The following CTBP2 variants were observed in gnomAD, a reference collection of about 807,000 sequenced individuals.
CTBP2 encodes C-terminal binding protein 2.
In CTBP2, 30 loss-of-function variants were observed where a neutral mutation model predicts 80.3. That is an observed-to-expected ratio of 0.37 (90% CI 0.28 to 0.51). The LOEUF is 0.51. Among genes scored for constraint, CTBP2 ranks in the 20% least tolerant of loss-of-function variants. The pLI, the probability that CTBP2 is intolerant of heterozygous loss-of-function variation, is 0.93. For missense variants in CTBP2, 1,212 were observed against 1,375.3 expected, an observed-to-expected ratio of 0.88 and a Z score of 1.88; for synonymous variants, 594 against 587.4, an observed-to-expected ratio of 1.01 and a Z score of -0.16.
At chr10:125,060,463 CGTGTGTGTGTGTGTGTGTGTGTGT>C (rs56032803) in intron 2 of CTBP2, among the ~76,000 whole-genome samples, 3 of 147,854 alleles carry the variant, frequency 2.0e-5, no homozygotes, top group Non-Finnish European at 3.0e-5. Flanking sequence ...ATTCCCCCCA[CGTGTGTGTGTGTGTGTGTGTGTGT>C]GTGTGTGTGT....
upstream of CTBP2, among the ~76,000 whole-genome samples, chr10:125,030,501 T>C (rs1397677645): frequency 6.6e-6 from 1 of 152,182 alleles, no homozygotes; most frequent in East Asian, 1.9e-4. Context: ...AGGATGGGGA[T>C]GATCAGTGGG....
intron 1 of CTBP2, among the ~76,000 whole-genome samples, chr10:125,112,660 C>T (rs1852506635): frequency 6.6e-6 from 1 of 152,002 alleles, no homozygotes; most frequent in Non-Finnish European, 1.5e-5. Context: ...AACTCCTGAC[C>T]TTCTGATCTG....
chr10:124,998,341 G>A, intron 3 of CTBP2, 171 bp from the exon 6 acceptor site: 1 of 673,052 alleles, frequency 1.5e-6, no homozygotes, highest in African/African-American at 1.8e-5. Flanking sequence ...CTCTGGCTCT[G>A]ATGCATGGGA....
At chr10:125,036,664 AG>A (rs150632552) in intron 3 of CTBP2, among the ~76,000 whole-genome samples, 5 of 133,914 alleles carry the variant, frequency 3.7e-5, no homozygotes, top group East Asian at 2.1e-4. Flanking sequence ...TCAAAGCTAG[AG>A]GGGGTGTGTG....
At chr10:124,995,697 A>G (rs1953387936) in intron 4 of CTBP2, among the ~76,000 whole-genome samples, 1 of 152,214 alleles carries the variant, frequency 6.6e-6, no homozygotes, top group African/African-American at 2.4e-5. Context: ...GGACAGCTGC[A>G]GGACAACTAG....
chr10:125,012,604 G>C (rs1956057233), intron 1 of CTBP2, among the ~76,000 whole-genome samples: 2 of 152,236 alleles, frequency 1.3e-5, no homozygotes, highest in South Asian at 2.1e-4. Flanking sequence ...CTCTGTGGAA[G>C]AGATGAGCCT....
intron 2 of CTBP2, among the ~76,000 whole-genome samples, chr10:125,062,524 C>T (rs918516404): frequency 2.6e-5 from 4 of 152,036 alleles, no homozygotes; most frequent in African/African-American, 9.7e-5. Context: ...CAGAACTCAG[C>T]GCGAGGGGTT....
intron 2 of CTBP2, 109 bp from the exon 3 acceptor site, chr10:125,039,264 A>T (rs1240037828): frequency 2.0e-6 from 1 of 494,516 alleles, no homozygotes; most frequent in African/African-American, 2.0e-5. Flanking sequence ...TGCCATGCGG[A>T]CACATGGGAC....
At chr10:125,151,871 G>A (rs1057251178) in intron 1 of CTBP2, among the ~76,000 whole-genome samples, 1 of 152,294 alleles carries the variant, frequency 6.6e-6, no homozygotes, top group African/African-American at 2.4e-5. Context: ...GAGCGGCCCC[G>A]CCCAGCACAA....
Position 125,143,426 on chromosome 10 carries a change from G to A in CTBP2, c.-206+16893C>T, listed in dbSNP as rs1034337095. On this transcript the variant is annotated intron_variant, in intron 1 of 10. Transcript: ENST00000337195. ...CCGGGAGGCAGAGGTTGCAGTGAGC[G>A]GAGAACTCGCCACTGCACTCCAGCC... is the stretch of plus-strand genomic sequence containing the variant. 5.9e-5 allele frequency among the ~76,000 whole-genome samples: 9 copies of A among 152,222 alleles called. No homozygotes were observed. In the East Asian group the frequency reaches 7.7e-4, roughly 13 times the overall value.
chr10:125,112,182 G>T (rs189635781), intron 1 of CTBP2, among the ~76,000 whole-genome samples: 4 of 146,672 alleles, frequency 2.7e-5, no homozygotes, highest in Admixed American at 7.0e-5. Context: ...GCGCGATCTC[G>T]GCTCACTGCA....
In CTBP2 at chr10:125,072,634, G is replaced by GAAAAAAAAAAAAAA. The variant is rs55742060; in HGVS notation, c.-101-33493_-101-33480dup. On this transcript the variant is annotated intron_variant, in intron 2 of 10. Coordinates refer to the CTBP2 transcript ENST00000337195. ...TGAGACTCTGTCTCAAAAAAGAAAAGAAAAAAAAAAAAAAAAAAAAAAAGG... is the reference window on the plus strand; with the variant it reads ...TGAGACTCTGTCTCAAAAAAGAAAAGAAAAAAAAAAAAAAAAAAAAAAAAAAAAAAAAAAAAAGG... Among the ~76,000 whole-genome samples, 10 of 100,144 alleles carry GAAAAAAAAAAAAAA rather than the reference G, an allele frequency of 1.0e-4. 1 individual carries two copies. Among genetic ancestry groups the GAAAAAAAAAAAAAA allele is most frequent in the Admixed American group, 3.3e-4 (3 of 9,170 alleles). 65.7% of individuals were successfully genotyped at this position (100,144 alleles called of 152,430 possible).
chr10:124,997,153 A>AT (rs1953727895), intron 4 of CTBP2: 1 of 152,234 alleles, frequency 6.6e-6, no homozygotes, highest in African/African-American at 2.4e-5. Context: ...CCGTGTGCAC[A>AT]TGCGCCTTCT....
At chr10:125,021,763 C>T (rs902334817) in intron 1 of CTBP2, among the ~76,000 whole-genome samples, 5 of 152,150 alleles carry the variant, frequency 3.3e-5, no homozygotes, top group Admixed American at 1.3e-4. Flanking sequence ...CAGGGAACAC[C>T]GGGCCATGAA....
chr10:125,000,451 G>A (rs3781443), intron 3 of CTBP2: 3,917 of 152,306 alleles, frequency 0.026, 73 homozygotes, highest in South Asian at 0.078. Context: ...TTTCTCTCAC[G>A]GTCAGTGCCA....
At chr10:125,126,024 G>A (rs1054018501) in intron 1 of CTBP2, among the ~76,000 whole-genome samples, 3 of 152,228 alleles carry the variant, frequency 2.0e-5, no homozygotes, top group Non-Finnish European at 4.4e-5. Flanking sequence ...AGCCAGTGCC[G>A]TCCACCTAAG....
Position 124,998,025 on chromosome 10 carries a change from G to A in CTBP2, c.2124C>T (p.Ile708=), listed in dbSNP as rs1245939651. 1.2e-6 allele frequency: 2 copies of A among 1,613,342 alleles called. No individual in the cohort carries two copies. Among genetic ancestry groups the A allele is most frequent in the Non-Finnish European group, 1.7e-6 (2 of 1,180,012 alleles). Residue 708 remains isoleucine, a synonymous_variant, in exon 4 of 9, where the codon ATC becomes ATT. Transcript: ENST00000309035. ...GGGCCGCTCCCGAGGCCACCTCGCGGATCTGCTCCACGCTCTGAACCCGCG... is the reference window on the plus strand; with the variant it reads ...GGGCCGCTCCCGAGGCCACCTCGCGAATCTGCTCCACGCTCTGAACCCGCG...
chr10:125,122,815 T>A (rs1854561214), intron 1 of CTBP2: 1 of 152,230 alleles, frequency 6.6e-6, no homozygotes, highest in African/African-American at 2.4e-5. Context: ...AAGGGTCCTG[T>A]CACTCTCGGG....
intron 1 of CTBP2, among the ~76,000 whole-genome samples, chr10:125,114,523 C>T (rs554752771): frequency 0.027 from 4,099 of 152,064 alleles, 179 homozygotes; most frequent in African/African-American, 0.093. Flanking sequence ...CCCCCTACCC[C>T]ACCGCCACTG....
Sources: gnomAD v4.1 joint callset for allele counts (sites outside exome capture counted in the v4.1 genomes callset) on GRCh38, gnomAD v4.1.1 for gene constraint, MANE v1.5 for transcripts, NCBI Gene and HGNC (gene_info 2026-07-23, HGNC 2026-07-21) for gene names.